The following LEPR variants were observed in gnomAD, a reference collection of about 807,000 sequenced individuals.
The protein encoded by LEPR is OB receptor.
A neutral mutation model predicts 114.7 loss-of-function variants in LEPR; 56 were observed. That is an observed-to-expected ratio of 0.49 (90% CI 0.39 to 0.61). LEPR has a LOEUF of 0.61. Ranked by LOEUF, LEPR falls within the 20% of genes least tolerant of loss-of-function variation. The pLI, the probability that LEPR is intolerant of heterozygous loss-of-function variation, is 0.00. For synonymous variants in LEPR, 443 were observed against 461.4 expected (o/e 0.96, Z 0.51); for missense variants, 1,202 against 1,352.9 (o/e 0.89, Z 1.75).
Position 65,620,008 on chromosome 1 carries a change from A to G in LEPR, c.2476A>G (p.Asn826Asp), listed in dbSNP as rs1657778089. 1 of 1,610,586 alleles carries G rather than the reference A, an allele frequency of 6.2e-7. No individual in the cohort carries two copies. The highest frequency in any genetic ancestry group is 8.5e-7 in the Non-Finnish European group (1 of 1,177,254). Residue 826 changes from asparagine to aspartate, a missense_variant, in exon 17 of 20, where the codon AAT becomes GAT. Physicochemically the swap from Asn to Asp is conservative, Grantham distance 23. Coordinates refer to ENST00000349533, the MANE Select transcript of LEPR (RefSeq NM_002303.6). ...AGGAGTGGGAAAACCAAAGATAATT[A>G]ATAGTTTCACTCAAGGTAAAAATTA... ...MEGVGKPKII[N>D]SFTQDDIEKH... is the part of the protein sequence containing the mutation.
chr1:65,586,739 T>G (rs1203409017), intron 5 of LEPR, among the ~76,000 whole-genome samples: 1 of 152,080 alleles, frequency 6.6e-6, no homozygotes, highest in East Asian at 1.9e-4. Flanking sequence ...TAGAACATTT[T>G]GAAATTAGTT....
rs575477177 is a variant in LEPR at position 65,470,809 on chromosome 1, T to G, written c.-21+45431T>G. Among the ~76,000 whole-genome samples, 3 of 152,358 alleles carry G rather than the reference T, an allele frequency of 2.0e-5. No individual in the cohort carries two copies. In the East Asian group the frequency reaches 5.8e-4, roughly 29 times the overall value. ...TCAGTGTAGGGGAAAGTCCTAACCT[T>G]ATTTCAAAAATGTGCAAAATATTTT... On this transcript the variant is annotated intron_variant, in intron 2 of 19. Transcript: ENST00000349533.
chr1:65,508,752 C>T (rs1008639467), intron 2 of LEPR, among the ~76,000 whole-genome samples: 1 of 152,058 alleles, frequency 6.6e-6, no homozygotes, highest in African/African-American at 2.4e-5. Flanking sequence ...GTAGGGATTG[C>T]AATGACTCTG....
intron 14 of LEPR, among the ~76,000 whole-genome samples, chr1:65,612,940 C>G (rs1246771306): frequency 6.6e-6 from 1 of 152,074 alleles, no homozygotes; most frequent in African/African-American, 2.4e-5. Flanking sequence ...TGTTGTCTGG[C>G]TTCCCACTGG....
chr1:65,574,372 A>G (rs1343104245), intron 5 of LEPR, among the ~76,000 whole-genome samples: 1 of 151,982 alleles, frequency 6.6e-6, no homozygotes, highest in Non-Finnish European at 1.5e-5. Flanking sequence ...CGTTGTGCAC[A>G]TGTACCCTAA....
Position 65,641,545 on chromosome 1 carries a change from A to G in LEPR, c.*4530A>G, listed in dbSNP as rs1644866750. 1 of 152,240 alleles carries G rather than the reference A, an allele frequency of 6.6e-6. No individual in the cohort carries two copies. 9.4% of individuals were successfully genotyped at this position (152,240 alleles called of 1,614,324 possible). On this transcript the variant is annotated 3_prime_UTR_variant, in exon 20 of 20. Coordinates refer to ENST00000349533, the MANE Select transcript of LEPR (RefSeq NM_002303.6). Reference sequence around the variant, plus strand: ...TAAGCAGTGTTAATTTTGAGAAATAAAAGTCCAAAAAGAATTATTATGAGT... The same window carrying G: ...TAAGCAGTGTTAATTTTGAGAAATAGAAGTCCAAAAAGAATTATTATGAGT...
chr1:65,534,495 A>G (rs1342413307), intron 2 of LEPR, among the ~76,000 whole-genome samples: 1 of 152,240 alleles, frequency 6.6e-6, no homozygotes, highest in Non-Finnish European at 1.5e-5. Flanking sequence ...TAGATACTGA[A>G]CAAAATAGAT....
chr1:65,597,843 G>A (rs550845106), intron 7 of LEPR, among the ~76,000 whole-genome samples: 40 of 152,278 alleles, frequency 2.6e-4, no homozygotes, highest in Middle Eastern at 3.4e-3. Flanking sequence ...AGAAAACAGA[G>A]TTAAGGCTTC....
At chr1:65,518,925 C>CTCTCTT (rs775418347) in intron 2 of LEPR, among the ~76,000 whole-genome samples, 2 of 124,888 alleles carry the variant, frequency 1.6e-5, no homozygotes, top group Non-Finnish European at 3.4e-5. Context: ...TTCTCTCTTT[C>CTCTCTT]TCTGTTTCTT....
At chr1:65,451,260 G>T (rs2100326861) in intron 2 of LEPR, among the ~76,000 whole-genome samples, 1 of 151,932 alleles carries the variant, frequency 6.6e-6, no homozygotes, top group South Asian at 2.1e-4. Context: ...TTCTTTTGCT[G>T]TGCAGAAGCT....
At chr1:65,492,333 T>G (rs1191062995) in intron 2 of LEPR, among the ~76,000 whole-genome samples, 2 of 152,150 alleles carry the variant, frequency 1.3e-5, no homozygotes, top group East Asian at 1.9e-4. Flanking sequence ...GTTGTCATTA[T>G]CTTAGCTTAG....
At chr1:65,427,468 A>G (rs1291592101) in intron 2 of LEPR, among the ~76,000 whole-genome samples, 1 of 152,176 alleles carries the variant, frequency 6.6e-6, no homozygotes, top group African/African-American at 2.4e-5. Context: ...CTGAGGTGGG[A>G]AGATTGGTTG....
rs554814359 is a variant in LEPR, at chr1:65,532,048, T to G, written c.-20-33498T>G. ...ACAAACTTCGTATTGCCAGAACATTTAATTTTTCGCCATCTGATGGGTATT... is the reference window on the plus strand; with the variant it reads ...ACAAACTTCGTATTGCCAGAACATTGAATTTTTCGCCATCTGATGGGTATT... On this transcript the variant is annotated intron_variant, in intron 2 of 19. Coordinates refer to ENST00000349533, the MANE Select transcript of LEPR (RefSeq NM_002303.6). Among the ~76,000 whole-genome samples, 15 of 152,338 alleles carry G rather than the reference T, an allele frequency of 9.8e-5. No homozygotes were observed. In the South Asian group the frequency reaches 2.7e-3, roughly 27 times the overall value.
chr1:65,434,089 G>A lies in LEPR; in HGVS notation c.-21+8711G>A, dbSNP rs574671275. The A allele has an allele frequency of 1.4e-5, 14 of 985,014 alleles. No homozygotes were observed. The South Asian group carries it at 6.1e-4, about 43-fold the overall frequency. 61.0% of individuals were successfully genotyped at this position (985,014 alleles called of 1,614,324 possible). A position where few individuals can be genotyped will look rare whatever the true frequency, so the allele number is the denominator to read the frequency against. The stretch of plus-strand genomic sequence containing the variant: ...GGTAGCCTTCATATGTAGCCTTAAA[G>A]CATTACCTCTTGATTGTATCTTTAG... On this transcript the variant is annotated intron_variant, in intron 2 of 19. Coordinates refer to ENST00000349533, the MANE Select transcript of LEPR (RefSeq NM_002303.6).
chr1:65,549,057 T>C (rs1652044446), intron 2 of LEPR, among the ~76,000 whole-genome samples: 1 of 151,488 alleles, frequency 6.6e-6, no homozygotes, highest in Admixed American at 6.6e-5. Flanking sequence ...TTATTTCTCC[T>C]TCACTTATGA....
intron 2 of LEPR, among the ~76,000 whole-genome samples, chr1:65,537,036 A>T (rs1650826809): frequency 6.6e-6 from 1 of 152,194 alleles, no homozygotes; most frequent in African/African-American, 2.4e-5. Context: ...ACCAGATCAC[A>T]GCTGCTACCA....
In LEPR at chr1:65,553,179, T is replaced by C. The variant is rs1570677993; in HGVS notation, c.-20-12367T>C. On this transcript the variant is annotated intron_variant, in intron 2 of 19. Coordinates refer to ENST00000349533, the MANE Select transcript of LEPR (RefSeq NM_002303.6). ...TCCTTCATTTCAACCTTGGTGAATT[T>C]GACGATTATATGTCTTCAGGTTGCT... Among the ~76,000 whole-genome samples the C allele has an allele frequency of 1.3e-5, 2 of 152,326 alleles. 1 individual carries two copies. Among genetic ancestry groups the C allele is most frequent in the Middle Eastern group, 6.8e-3 (2 of 294 alleles).
In LEPR at chr1:65,525,786, C is replaced by T. The variant is rs532668035; in HGVS notation, c.-20-39760C>T. On this transcript the variant is annotated intron_variant, in intron 2 of 19. Coordinates refer to ENST00000349533, the MANE Select transcript of LEPR (RefSeq NM_002303.6). ...CCGAGCCCCGGCGCCGCCGCCATCT[C>T]TGCCTTCGGTCGAGTTGGACCCCCG... 31 of 986,204 alleles carry T rather than the reference C, an allele frequency of 3.1e-5. No homozygotes were observed. The Admixed American group carries it at 8.0e-4, about 25-fold the overall frequency. 61.1% of individuals were successfully genotyped at this position (986,204 alleles called of 1,614,324 possible). A position where few individuals can be genotyped will look rare whatever the true frequency, so the allele number is the denominator to read the frequency against.
chr1:65,522,500 T>C (rs879307835), intron 2 of LEPR, among the ~76,000 whole-genome samples: 3 of 152,054 alleles, frequency 2.0e-5, no homozygotes, highest in African/African-American at 4.8e-5. Context: ...TTGCTTAAAA[T>C]TGTAAGAGTG....
Sources: gnomAD v4.1 joint callset for allele counts (sites outside exome capture counted in the v4.1 genomes callset) on GRCh38, gnomAD v4.1.1 for gene constraint, MANE v1.5 for transcripts, NCBI Gene and HGNC (gene_info 2026-07-23, HGNC 2026-07-21) for gene names.